Variants in ANO6 observed in about 807,000 individuals in gnomAD.
ANO6 encodes anoctamin-6.
ANO6 carries 106 observed loss-of-function variants against 117.5 expected under a neutral mutation model. The ratio of observed to expected loss-of-function variants is 0.90; its 90% confidence interval spans 0.77 to 1.06. The LOEUF (loss-of-function observed/expected upper bound fraction) is 1.06. Among genes scored for constraint, ANO6 ranks in the 50% least tolerant of loss-of-function variants. The pLI, the probability that ANO6 is intolerant of heterozygous loss-of-function variation, is 0.00. For missense variants in ANO6, 955 were observed against 1,121.1 expected, an observed-to-expected ratio of 0.85 and a Z score of 2.12; for synonymous variants, 367 against 385.1, an observed-to-expected ratio of 0.95 and a Z score of 0.55.
intron 16 of ANO6, among the ~76,000 whole-genome samples, chr12:45,410,602 C>T (rs1402733111): frequency 2.0e-5 from 3 of 152,014 alleles, no homozygotes; most frequent in African/African-American, 7.3e-5. Context: ...TTATCTGTGC[C>T]CTTTCAGCTA....
intron 2 of ANO6, among the ~76,000 whole-genome samples, chr12:45,330,430 C>T (rs1426269571): frequency 2.6e-5 from 4 of 152,016 alleles, no homozygotes; most frequent in Non-Finnish European, 5.9e-5. Context: ...TCATAGAAAA[C>T]TTTTCAGTAT....
intron 2 of ANO6, among the ~76,000 whole-genome samples, chr12:45,317,535 G>T (rs1391927009): frequency 6.6e-6 from 1 of 151,602 alleles, no homozygotes; most frequent in African/African-American, 2.4e-5. Context: ...TGGACATTTG[G>T]GTTGGTTCCA....
At position 45,219,187 on chromosome 12, in the gene ANO6, C is replaced by G. The variant is rs568554471; in HGVS notation, c.70+2796C>G. 1.3e-4 allele frequency among the ~76,000 whole-genome samples: 19 copies of G among 151,230 alleles called. No homozygotes were observed. In the South Asian group the frequency reaches 1.7e-3, roughly 13 times the overall value. ...TTTGCAAGAGACCTCCCCCTCCCCC[C>G]AAAAAAAAACTTTCTAACTGGATGG... is the stretch of plus-strand genomic sequence containing the variant. On this transcript the variant is annotated intron_variant, in intron 1 of 19. Transcript: ENST00000320560.
chr12:45,228,132 T>A (rs777557676), intron 1 of ANO6: 1 of 381,364 alleles, frequency 2.6e-6, no homozygotes, highest in Non-Finnish European at 5.0e-6. Context: ...TGTTTTTTTT[T>A]TTTTTTTTTT....
intron 10 of ANO6, among the ~76,000 whole-genome samples, chr12:45,386,921 G>A (rs1459967576): frequency 3.3e-5 from 5 of 152,170 alleles, no homozygotes; most frequent in South Asian, 2.1e-4. Context: ...GGCCTTCCCC[G>A]AAACACCCAG....
At chr12:45,347,961 A>G (rs1422930329) in intron 4 of ANO6, 67 bp from the exon 5 acceptor site, 1 of 1,490,508 alleles carries the variant, frequency 6.7e-7, no homozygotes, top group Non-Finnish European at 9.3e-7. Flanking sequence ...CATAAGAAAA[A>G]TCTATGTGTT....
At chr12:45,335,731 T>C (rs1342694927) in intron 3 of ANO6, 1 of 152,066 alleles carries the variant, frequency 6.6e-6, no homozygotes, top group African/African-American at 2.4e-5. Flanking sequence ...GTAGTGTCCA[T>C]GCAGATCTTG....
Position 45,348,258 on chromosome 12 carries a change from T to C in ANO6, c.576T>C (p.Asn192=). The C allele has an allele frequency of 6.2e-7, 1 of 1,614,110 alleles. No homozygotes were observed. Among genetic ancestry groups the C allele is most frequent in the Non-Finnish European group, 8.5e-7 (1 of 1,179,996 alleles). Residue 192 remains asparagine, a synonymous_variant, in exon 5 of 20, where the codon AAT becomes AAC. Coordinates refer to ENST00000320560, the MANE Select transcript of ANO6 (RefSeq NM_001025356.3). The stretch of plus-strand genomic sequence containing the variant: ...CCCCATTTGAGAAGAACCGGATGAA[T>C]GATTTTTACATAGTTGATAGAGATG... The part of the protein sequence containing the change: ...FTAPFEKNRM[N]DFYIVDRDAF...
At chr12:45,391,841 A>G (rs1942460010) in intron 12 of ANO6, among the ~76,000 whole-genome samples, 1 of 152,220 alleles carries the variant, frequency 6.6e-6, no homozygotes, top group Non-Finnish European at 1.5e-5. Flanking sequence ...CCTGGGTGAC[A>G]GAGTGAGACT....
intron 15 of ANO6, among the ~76,000 whole-genome samples, chr12:45,406,555 A>G (rs1942939701): frequency 6.6e-6 from 1 of 151,852 alleles, no homozygotes; most frequent in African/African-American, 2.4e-5. Context: ...TTGTAACATA[A>G]ACGCCTCTTC....
intron 3 of ANO6, chr12:45,335,717 AC>A (rs1354299379): frequency 6.6e-6 from 1 of 152,058 alleles, no homozygotes; most frequent in Non-Finnish European, 1.5e-5. Flanking sequence ...GAGATATTCA[AC>A]CTGTAGTGTC....
At chr12:45,321,018 A>T (rs577046993) in intron 2 of ANO6, among the ~76,000 whole-genome samples, 1 of 152,020 alleles carries the variant, frequency 6.6e-6, no homozygotes, top group Non-Finnish European at 1.5e-5. Context: ...GTGTCTCTGC[A>T]CGTGAGATGG....
At chr12:45,313,176 T>C (rs1939901199) in intron 2 of ANO6, 1 of 152,058 alleles carries the variant, frequency 6.6e-6, no homozygotes, top group Non-Finnish European at 1.5e-5. Context: ...TTTTTACTTA[T>C]TTTTAATTTT....
At chr12:45,248,428 C>CTT (rs35185612) in intron 1 of ANO6, among the ~76,000 whole-genome samples, 1,794 of 120,828 alleles carry the variant, frequency 0.015, 74 homozygotes, top group African/African-American at 0.052. Context: ...AAAAAGTAGA[C>CTT]TTTTTTTTTT....
At chr12:45,352,382 A>G (rs1226439235) in intron 7 of ANO6, among the ~76,000 whole-genome samples, 3 of 151,970 alleles carry the variant, frequency 2.0e-5, no homozygotes, top group Non-Finnish European at 4.4e-5. Flanking sequence ...TCGTTTCATT[A>G]GCTTCTATTT....
chr12:45,316,561 A>C (rs1392476037), intron 2 of ANO6, among the ~76,000 whole-genome samples: 1 of 152,102 alleles, frequency 6.6e-6, no homozygotes, highest in African/African-American at 2.4e-5. Flanking sequence ...TGGAGTCTTG[A>C]ATTTTCTGGA....
chr12:45,343,728 A>C (rs978306642), intron 3 of ANO6, among the ~76,000 whole-genome samples: 1 of 152,200 alleles, frequency 6.6e-6, no homozygotes, highest in African/African-American at 2.4e-5. Flanking sequence ...AGCCAGAAGC[A>C]GTACCTTAAA....
chr12:45,390,358 G>A (rs1942411362), intron 11 of ANO6, 63 bp from the exon 12 acceptor site: 3 of 1,286,568 alleles, frequency 2.3e-6, no homozygotes, highest in Admixed American at 1.7e-5. Flanking sequence ...GGCGAGTCAG[G>A]AGAAAAATAA....
chr12:45,372,880 A>G (rs909955254), intron 9 of ANO6, among the ~76,000 whole-genome samples: 20 of 152,212 alleles, frequency 1.3e-4, no homozygotes, highest in Admixed American at 5.9e-4. Flanking sequence ...TTAAATGTCA[A>G]TGGACTAAAT....
Sources: allele counts gnomAD v4.1 joint callset (sites outside exome capture counted in the v4.1 genomes callset), GRCh38; gene constraint gnomAD v4.1.1; transcripts MANE v1.5; gene names NCBI Gene and HGNC (gene_info 2026-07-23, HGNC 2026-07-21).